CRYL1: variants seen among roughly 807,000 people sequenced by gnomAD.
CRYL1 encodes crystallin lambda 1, also known as lambda-crystallin homolog.
Under a neutral mutation model 36.6 loss-of-function variants are expected in CRYL1, and 29 were observed. That is an observed-to-expected ratio of 0.79 (90% CI 0.59 to 1.08). CRYL1 has a LOEUF of 1.08. Among genes scored for constraint, CRYL1 ranks in the 50% least tolerant of loss-of-function variants. CRYL1 has a pLI of 0.00. For synonymous variants in CRYL1, 152 were observed against 151.5 expected (o/e 1.00, Z -0.02); for missense variants, 411 against 407.9 (o/e 1.01, Z -0.06).
intron 2 of CRYL1, among the ~76,000 whole-genome samples, chr13:20,504,925 C>T (rs1007584916): frequency 4.6e-5 from 7 of 152,070 alleles, no homozygotes; most frequent in Non-Finnish European, 8.8e-5. Context: ...TTCATTTTTA[C>T]AGGTTCAGAA....
intron 1 of CRYL1, among the ~76,000 whole-genome samples, chr13:20,519,516 A>C (rs1429201778): frequency 2.0e-5 from 3 of 150,258 alleles, no homozygotes; most frequent in African/African-American, 7.3e-5. Flanking sequence ...TAATCCCAGC[A>C]CTTTAGGAGG....
At chr13:20,449,905 T>C (rs1213550009) in intron 3 of CRYL1, among the ~76,000 whole-genome samples, 1 of 152,032 alleles carries the variant, frequency 6.6e-6, no homozygotes, top group Non-Finnish European at 1.5e-5. Flanking sequence ...AAGATCTCTA[T>C]AAGGAGAACT....
At chr13:20,444,407 C>T (rs2032412714) in intron 3 of CRYL1, among the ~76,000 whole-genome samples, 2 of 152,112 alleles carry the variant, frequency 1.3e-5, no homozygotes, top group Non-Finnish European at 2.9e-5. Flanking sequence ...AATGTGACTT[C>T]CTGGGGCTTA....
intron 6 of CRYL1, among the ~76,000 whole-genome samples, chr13:20,411,137 C>T (rs922764484): frequency 1.3e-5 from 2 of 152,180 alleles, no homozygotes; most frequent in African/African-American, 4.8e-5. Flanking sequence ...AAGAAAAATT[C>T]TCCCAACTCC....
intron 6 of CRYL1, among the ~76,000 whole-genome samples, chr13:20,411,033 A>G (rs1022746504): frequency 1.3e-5 from 2 of 152,250 alleles, no homozygotes; most frequent in Non-Finnish European, 2.9e-5. Flanking sequence ...AAATCCTAAA[A>G]TATTTGCACT....
chr13:20,508,793 G>A (rs559454602), intron 2 of CRYL1, among the ~76,000 whole-genome samples: 45 of 140,974 alleles, frequency 3.2e-4, no homozygotes, highest in African/African-American at 1.1e-3. Context: ...AGCTTGCAGC[G>A]AGCAGAGATC....
rs2032207065 is a variant in CRYL1 at position 20,435,993 on chromosome 13, G to C, written c.438+3600C>G. On this transcript the variant is annotated intron_variant, in intron 4 of 7. Transcript: ENST00000298248. The surrounding 1 kb of genome is among the most constrained non-coding windows in gnomAD (Gnocchi z 4.0). ...CTCGGAGCGGCCGCAGGGCCGTGCA[G>C]ATGTGCAAAGAGACGCACAGAGCAC... Among the ~76,000 whole-genome samples the C allele has an allele frequency of 1.3e-5, 2 of 152,220 alleles. No individual in the cohort carries two copies. The highest frequency in any genetic ancestry group is 1.3e-4 in the Admixed American group (2 of 15,288).
intron 3 of CRYL1, among the ~76,000 whole-genome samples, chr13:20,470,920 A>C (rs1221348275): frequency 1.9e-4 from 27 of 143,156 alleles, no homozygotes; most frequent in African/African-American, 3.8e-4. Flanking sequence ...CAAAAAAAAA[A>C]AAAAAACAAA....
At chr13:20,504,621 T>G (rs2033762065) in intron 2 of CRYL1, among the ~76,000 whole-genome samples, 1 of 152,186 alleles carries the variant, frequency 6.6e-6, no homozygotes, top group Non-Finnish European at 1.5e-5. Flanking sequence ...CTAAACTTCT[T>G]ACTTGAGACC....
At chr13:20,408,881 T>C (rs529994823) in intron 6 of CRYL1, among the ~76,000 whole-genome samples, 115 of 152,316 alleles carry the variant, frequency 7.6e-4, no homozygotes, top group Non-Finnish European at 1.4e-3. Flanking sequence ...CATTCCATGC[T>C]CATGGGTAGG....
intron 4 of CRYL1, among the ~76,000 whole-genome samples, chr13:20,434,011 C>G: frequency 6.6e-6 from 1 of 152,190 alleles, no homozygotes; most frequent in South Asian, 2.1e-4. Flanking sequence ...TGGCCCACAT[C>G]TGCAACTGAG....
chr13:20,460,650 C>G (rs963882492), intron 3 of CRYL1, among the ~76,000 whole-genome samples: 1 of 150,368 alleles, frequency 6.7e-6, no homozygotes, highest in Non-Finnish European at 1.5e-5. Flanking sequence ...CTCAGCCTCC[C>G]AAGTAGCCGG....
At chr13:20,457,515 A>T (rs2032716417) in intron 3 of CRYL1, among the ~76,000 whole-genome samples, 1 of 152,246 alleles carries the variant, frequency 6.6e-6, no homozygotes, top group Non-Finnish European at 1.5e-5. Flanking sequence ...AGGTCAGATG[A>T]AATACAGTAC....
At chr13:20,446,750 T>C (rs2032464611) in intron 3 of CRYL1, among the ~76,000 whole-genome samples, 1 of 152,242 alleles carries the variant, frequency 6.6e-6, no homozygotes, top group Non-Finnish European at 1.5e-5. Flanking sequence ...ACTGCAATTT[T>C]GTTAATCTCG....
chr13:20,413,071 C>T lies in CRYL1; in HGVS notation c.739+211G>A, dbSNP rs2274688. Among the ~76,000 whole-genome samples the T allele has an allele frequency of 2.1e-3, 324 of 152,312 alleles. 1 individual carries two copies. Among genetic ancestry groups the T allele is most frequent in the East Asian group, 0.01 (53 of 5,188 alleles). On this transcript the variant is annotated intron_variant, in intron 6 of 7. Transcript: ENST00000298248. The stretch of plus-strand genomic sequence containing the variant: ...TCTCACCTGAGCACAATGCACCACA[C>T]GGAGCCCTGAGGTGCATGCACTCCA...
chr13:20,517,440 C>T (rs1306465061), intron 1 of CRYL1, among the ~76,000 whole-genome samples: 2 of 151,432 alleles, frequency 1.3e-5, no homozygotes, highest in African/African-American at 4.9e-5. Context: ...ACTGAAAATA[C>T]AAAAATTAGC....
chr13:20,492,106 A>G (rs570609843), intron 2 of CRYL1, among the ~76,000 whole-genome samples: 1 of 152,310 alleles, frequency 6.6e-6, no homozygotes, highest in South Asian at 2.1e-4. Context: ...ATTCAGCATC[A>G]ACAGCACTCA....
chr13:20,422,827 C>T (rs2031850425), intron 5 of CRYL1, among the ~76,000 whole-genome samples: 1 of 152,176 alleles, frequency 6.6e-6, no homozygotes, highest in Admixed American at 6.5e-5. Flanking sequence ...GTGAAAAATG[C>T]CACTGGAAGT....
intron 3 of CRYL1, among the ~76,000 whole-genome samples, chr13:20,486,531 G>A (rs1407296843): frequency 1.6e-5 from 2 of 128,316 alleles, no homozygotes; most frequent in African/African-American, 6.2e-5. Context: ...AAACCTTCCC[G>A]AAGCCTCCCG....
Sources: allele counts gnomAD v4.1 joint callset (sites outside exome capture counted in the v4.1 genomes callset), GRCh38; gene constraint gnomAD v4.1.1; non-coding constraint Gnocchi (gnomAD v3.1); transcripts MANE v1.5; gene names NCBI Gene and HGNC (gene_info 2026-07-23, HGNC 2026-07-21).